PTGR2: variants seen among roughly 807,000 people sequenced by gnomAD.
The protein encoded by PTGR2 is 15-oxoprostaglandin 13-reductase.
A neutral mutation model predicts 43.4 loss-of-function variants in PTGR2; 32 were observed. The observed-to-expected ratio is 0.74, with a 90% CI of 0.56 to 0.99. PTGR2 has a LOEUF of 0.99. Ranked by LOEUF, PTGR2 falls within the 50% of genes least tolerant of loss-of-function variation. The pLI is 0.00. For missense variants in PTGR2, 373 were observed against 420.0 expected (o/e 0.89, Z 0.98); for synonymous variants, 106 against 139.2 (o/e 0.76, Z 1.68).
At chr14:73,860,275 G>C (rs2054457831) in intron 2 of PTGR2, among the ~76,000 whole-genome samples, 1 of 151,890 alleles carries the variant, frequency 6.6e-6, no homozygotes, top group South Asian at 2.1e-4. Flanking sequence ...AGACCAGCCT[G>C]GCCAGCATGG....
chr14:73,881,543 T>C (rs2054987317), intron 8 of PTGR2, among the ~76,000 whole-genome samples: 1 of 145,262 alleles, frequency 6.9e-6, no homozygotes, highest in African/African-American at 2.5e-5. Flanking sequence ...ACAAAATCAT[T>C]AGGTTTTCCC....
At chr14:73,867,088 C>CAAAA (rs200945001) in intron 3 of PTGR2, among the ~76,000 whole-genome samples, 79 of 100,046 alleles carry the variant, frequency 7.9e-4, no homozygotes, top group Non-Finnish European at 1.0e-3. Context: ...GACTCTGTCT[C>CAAAA]AAAAAAAAAA....
intron 5 of PTGR2, chr14:73,877,855 T>C (rs1312034306): frequency 6.6e-6 from 1 of 152,184 alleles, no homozygotes; most frequent in East Asian, 1.9e-4. Flanking sequence ...TGTAAACATT[T>C]TGATAGAATT....
At chr14:73,859,812 T>C (rs1433261463) in intron 2 of PTGR2, among the ~76,000 whole-genome samples, 3 of 149,880 alleles carry the variant, frequency 2.0e-5, no homozygotes, top group Admixed American at 6.7e-5. Flanking sequence ...ACATACTGAG[T>C]CATTTCTATA....
chr14:73,878,836 G>T, intron 5 of PTGR2: 1 of 433,564 alleles, frequency 2.3e-6, no homozygotes, highest in Non-Finnish European at 4.2e-6. Flanking sequence ...TTCAACTAAT[G>T]ATGGTTTTAT....
chr14:73,879,077 C>G lies in PTGR2; in HGVS notation c.520-19C>G. ...ATGTGACAATATAAAGCCATTTAAT[C>G]TTCAAATTTCCCCCCTAGATTGGCC... On this transcript the variant is annotated intron_variant, in intron 5 of 9. Coordinates refer to ENST00000555661, the MANE Select transcript of PTGR2 (RefSeq NM_001146154.2). 6.2e-7 allele frequency: 1 copy of G among 1,604,336 alleles called. No individual in the cohort carries two copies. Among genetic ancestry groups the G allele is most frequent in the Non-Finnish European group, 8.5e-7 (1 of 1,171,984 alleles).
rs753578750 is a variant in PTGR2 at position 73,874,053 on chromosome 14, G to GA, written c.188dup (p.Asp63GlufsTer13). The GA allele has an allele frequency of 3.1e-6, 5 of 1,611,548 alleles. No individual in the cohort carries two copies. The highest frequency in any genetic ancestry group is 4.2e-6 in the Non-Finnish European group (5 of 1,179,228). Reference sequence around the variant, plus strand: ...TAGAATGAATGAAGACACTGGCACTGATTATATAACACCTTGGCAGCTATC... The same window carrying GA: ...TAGAATGAATGAAGACACTGGCACTGAATTATATAACACCTTGGCAGCTATC... On this transcript the variant is annotated frameshift_variant, in exon 4 of 10. Transcript: ENST00000555661.
chr14:73,862,798 C>G (rs966388114), intron 3 of PTGR2, among the ~76,000 whole-genome samples: 27 of 152,152 alleles, frequency 1.8e-4, no homozygotes, highest in African/African-American at 6.5e-4. Flanking sequence ...GCCTCGACCT[C>G]CTGGGCTCAA....
At chr14:73,866,287 A>C (rs2140248711) in intron 3 of PTGR2, among the ~76,000 whole-genome samples, 1 of 152,160 alleles carries the variant, frequency 6.6e-6, no homozygotes, top group South Asian at 2.1e-4. Flanking sequence ...TACAGGCATG[A>C]GCTACTATGC....
intron 9 of PTGR2, among the ~76,000 whole-genome samples, chr14:73,882,645 C>T (rs527454185): frequency 2.6e-5 from 4 of 151,968 alleles, no homozygotes; most frequent in East Asian, 3.9e-4. Context: ...GGACTACAGG[C>T]GCCTGCCACC....
chr14:73,852,241 G>A (rs1023834775), intron 1 of PTGR2: 1 of 151,894 alleles, frequency 6.6e-6, no homozygotes, highest in Non-Finnish European at 1.5e-5. Context: ...CCATGCGCCG[G>A]GCATAGGGGA....
intron 2 of PTGR2, among the ~76,000 whole-genome samples, chr14:73,859,784 TAAA>T (rs5809632): frequency 1.4e-5 from 2 of 143,860 alleles, no homozygotes. Context: ...ACCTTGTCTC[TAAA>T]AAAAAAAAAG....
chr14:73,869,475 G>C (rs2054674942), intron 3 of PTGR2, among the ~76,000 whole-genome samples: 1 of 151,486 alleles, frequency 6.6e-6, no homozygotes, highest in Admixed American at 6.6e-5. Context: ...TTGAGCCCGG[G>C]AAGTGGGAGG....
chr14:73,870,949 A>T lies in PTGR2; in HGVS notation c.157-3074A>T, dbSNP rs547211926. On this transcript the variant is annotated intron_variant, in intron 3 of 9. Coordinates refer to ENST00000555661, the MANE Select transcript of PTGR2 (RefSeq NM_001146154.2). ...TCTTCTTGCTCTTTGCTGGCACACAATTCCTAAAGCCCTTGGAATCTCCAA... is the reference window on the plus strand; with the variant it reads ...TCTTCTTGCTCTTTGCTGGCACACATTTCCTAAAGCCCTTGGAATCTCCAA... Among the ~76,000 whole-genome samples the T allele has an allele frequency of 2.2e-3, 331 of 152,320 alleles. 2 individuals are homozygous for T. The highest frequency in any genetic ancestry group is 7.6e-3 in the African/African-American group (314 of 41,566).
At chr14:73,880,251 G>A (rs757216621) in intron 7 of PTGR2, 75 bp downstream of exon 7, 12 of 1,523,878 alleles carry the variant, frequency 7.9e-6, no homozygotes, top group African/African-American at 5.5e-5. Flanking sequence ...GAAATCTATT[G>A]TTCTTCATAG....
intron 6 of PTGR2, 22 bp from the exon 7 acceptor site, chr14:73,880,033 A>G (rs1458774804): frequency 3.1e-6 from 5 of 1,611,698 alleles, no homozygotes; most frequent in Non-Finnish European, 4.2e-6. Context: ...GGGATATTTT[A>G]TCATTATTTT....
intron 1 of PTGR2, among the ~76,000 whole-genome samples, chr14:73,854,084 A>G (rs1314739753): frequency 2.6e-5 from 4 of 151,898 alleles, no homozygotes; most frequent in South Asian, 2.1e-4. Flanking sequence ...CTAGGTATCT[A>G]TATTTTATTT....
chr14:73,885,580 T>G lies in PTGR2; in HGVS notation c.*1403T>G, dbSNP rs1005689870. 1.3e-5 allele frequency: 2 copies of G among 152,172 alleles called. No homozygotes were observed. The highest frequency in any genetic ancestry group is 6.5e-5 in the Admixed American group (1 of 15,272). 9.4% of individuals were successfully genotyped at this position (152,172 alleles called of 1,614,324 possible). A position where few individuals can be genotyped will look rare whatever the true frequency, so the allele number is the denominator to read the frequency against. On this transcript the variant is annotated 3_prime_UTR_variant, in exon 10 of 10. Transcript: ENST00000555661. ...CCTCCCCAGTTTTCGTGAGTGGCCC[T>G]TTTTTGTTACTTTTCCTGGACCATT...
chr14:73,861,348 T>C (rs1367424739), intron 3 of PTGR2: 1 of 152,260 alleles, frequency 6.6e-6, no homozygotes, highest in African/African-American at 2.4e-5. Context: ...GGCGTCTTGC[T>C]TTACTTCTCC....
Sources: gnomAD v4.1 joint callset for allele counts (sites outside exome capture counted in the v4.1 genomes callset) on GRCh38, gnomAD v4.1.1 for gene constraint, MANE v1.5 for transcripts, NCBI Gene and HGNC (gene_info 2026-07-23, HGNC 2026-07-21) for gene names.